Variants in CRLF2 observed in about 807,000 individuals in gnomAD.
The protein encoded by CRLF2 is cytokine receptor-like factor 2.
In CRLF2, 41 loss-of-function variants were observed where a neutral mutation model predicts 38.7. The observed-to-expected ratio is 1.06, with a 90% CI of 0.83 to 1.37. The LOEUF is 1.37. Ranked by LOEUF, CRLF2 falls within the 40% of genes most tolerant of loss-of-function variation. CRLF2 has a pLI of 0.00. For missense variants in CRLF2, 377 were observed against 322.2 expected (o/e 1.17, Z -1.30); for synonymous variants, 140 against 128.8 (o/e 1.09, Z -0.59).
chrX:1,203,599 C>T (rs371698457), intron 3 of CRLF2, among the ~76,000 whole-genome samples: 12 of 151,066 alleles, frequency 7.9e-5, no homozygotes, highest in Non-Finnish European at 1.5e-4. Flanking sequence ...GAGGAGAAGG[C>T]CACATGGAGA....
At position 1,198,736 on chromosome X, in the gene CRLF2, TACACACACACACACAC is replaced by T. The variant is rs371174830; in HGVS notation, c.484-28_484-13del. 163 of 828,422 alleles carry T rather than the reference TACACACACACACACAC, an allele frequency of 2.0e-4. 7 individuals are homozygous for T. The highest frequency in any genetic ancestry group is 2.7e-4 in the Middle Eastern group (1 of 3,650). 51.3% of individuals were successfully genotyped at this position (828,422 alleles called of 1,614,324 possible). A position where few individuals can be genotyped will look rare whatever the true frequency, so the allele number is the denominator to read the frequency against. ...TTTTCCTGTTTGGACTGGAGAAACA[TACACACACACACACAC>T]ACACACACACACACACACACACACA... On this transcript the variant is annotated splice_polypyrimidine_tract_variant and intron_variant, in intron 4 of 7. Coordinates refer to ENST00000400841, the MANE Select transcript of CRLF2 (RefSeq NM_022148.4).
Position 1,206,502 on chromosome X carries a change from T to C in CRLF2, c.280A>G (p.Ile94Val). The change falls in exon 3 of 8, where the codon ATT (isoleucine) becomes GTT (valine). Residue 94 changes from isoleucine to valine, a missense_variant. By Grantham distance (29) the Ile-to-Val change is conservative. Coordinates refer to ENST00000400841, the MANE Select transcript of CRLF2 (RefSeq NM_022148.4). ...CCATTCCTGATGGAGAAATAGAGAA[T>C]GTCGTCTCGCTGCTCTGCGTCTAGG... is the stretch of plus-strand genomic sequence containing the variant. ...CLLDAEQRDD[I>V]LYFSIRNGTH... 6.2e-7 allele frequency: 1 copy of C among 1,613,632 alleles called. No homozygotes were observed. Among genetic ancestry groups the C allele is most frequent in the Admixed American group, 1.7e-5 (1 of 59,978 alleles).
At chrX:1,198,935 G>C (rs745384844) in intron 4 of CRLF2, 21 of 597,254 alleles carry the variant, frequency 3.5e-5, no homozygotes, top group Non-Finnish European at 5.1e-5. Flanking sequence ...GATCACCTGA[G>C]GTCGCAAGTT....
intron 7 of CRLF2, among the ~76,000 whole-genome samples, chrX:1,191,600 C>T (rs1235504608): frequency 9.2e-5 from 14 of 151,404 alleles, no homozygotes; most frequent in Admixed American, 1.3e-4. Context: ...GGCGTGATCT[C>T]GGCTGACTGC....
rs2086485150 is a variant in CRLF2 at position 1,196,809 on chromosome X, G to A, written c.738C>T (p.Leu246=). ...SSLAILLMVS[L]LLLSLWKLWR... ...ATAATTTCCATAAAGACAGAAGGAG[G>A]AGAGACACCATCAGAAGGATGGCCA... The change falls in exon 6 of 8, where the codon CTC becomes CTT. Residue 246 remains leucine, a synonymous_variant. Coordinates refer to ENST00000400841, the MANE Select transcript of CRLF2 (RefSeq NM_022148.4). 1.9e-6 allele frequency: 3 copies of A among 1,613,460 alleles called. No homozygotes were observed. The highest frequency in any genetic ancestry group is 1.1e-5 in the South Asian group (1 of 91,068).
chrX:1,206,456 GC>G lies in CRLF2; in HGVS notation c.325del (p.Ala109GlnfsTer9). On this transcript the variant is annotated frameshift_variant, in exon 3 of 8. Coordinates refer to ENST00000400841, the MANE Select transcript of CRLF2 (RefSeq NM_022148.4). LOFTEE classifies it high-confidence loss of function. ...ACGGTAATAAACCATCCAGCGACTTGCGGTGAAAACGGGGTGCGTCCCATTC... is the reference window on the plus strand; with the variant it reads ...ACGGTAATAAACCATCCAGCGACTTGGGTGAAAACGGGGTGCGTCCCATTC... ...IRNGTHPVFT[A>X]SRWMVYYLKP... 1 of 1,613,492 alleles carries G rather than the reference GC, an allele frequency of 6.2e-7. No homozygotes were observed. Among genetic ancestry groups the G allele is most frequent in the East Asian group, 2.2e-5 (1 of 44,868 alleles).
chrX:1,197,207 C>G (rs2086497506), intron 5 of CRLF2, among the ~76,000 whole-genome samples: 1 of 150,476 alleles, frequency 6.6e-6, no homozygotes, highest in Non-Finnish European at 1.5e-5. Context: ...ATTCTCCTGT[C>G]TCAGCCTCCC....
intron 5 of CRLF2, 97 bp downstream of exon 5, chrX:1,198,447 TCCCTCCCACCTCGAAGGC>T (rs2086537555): frequency 9.4e-6 from 5 of 531,884 alleles, no homozygotes; most frequent in South Asian, 5.2e-5. Context: ...CAGGACACCC[TCCCTCCCACCTCGAAGGC>T]AGGACACCCT....
chrX:1,202,813 A>T (rs2086631549), intron 3 of CRLF2, among the ~76,000 whole-genome samples: 1 of 152,090 alleles, frequency 6.6e-6, no homozygotes, highest in Non-Finnish European at 1.5e-5. Context: ...ATATGTTAAA[A>T]TCCCAACTCC....
chrX:1,201,470 TAGAC>T (rs1218361931), intron 4 of CRLF2, among the ~76,000 whole-genome samples: 6 of 134,802 alleles, frequency 4.5e-5, no homozygotes, highest in South Asian at 5.2e-4. Flanking sequence ...AGATGATACA[TAGAC>T]AGATGATAGA....
At chrX:1,192,262 G>A (rs1185738713) in intron 7 of CRLF2, among the ~76,000 whole-genome samples, 1 of 150,690 alleles carries the variant, frequency 6.6e-6, no homozygotes, top group Admixed American at 6.6e-5. Flanking sequence ...AGTCAGAGTT[G>A]GACATGCTTC....
At chrX:1,194,358 A>G in intron 6 of CRLF2, among the ~76,000 whole-genome samples, 1 of 152,156 alleles carries the variant, frequency 6.6e-6, no homozygotes. Flanking sequence ...GCTGCTTGGG[A>G]GGCTAAGGCA....
intron 6 of CRLF2, among the ~76,000 whole-genome samples, chrX:1,196,554 C>G (rs2086479015): frequency 1.3e-5 from 2 of 151,628 alleles, no homozygotes; most frequent in Non-Finnish European, 2.9e-5. Context: ...AACTCGTGAC[C>G]TCGTGATCTG....
intron 7 of CRLF2, among the ~76,000 whole-genome samples, chrX:1,192,765 TTTCC>T (rs1156877362): frequency 7.8e-5 from 9 of 116,014 alleles, no homozygotes; most frequent in South Asian, 3.0e-4. Flanking sequence ...TCTTTCTTTC[TTTCC>T]TTCCTTCCTC....
intron 4 of CRLF2, among the ~76,000 whole-genome samples, chrX:1,200,350 A>G: frequency 6.7e-6 from 1 of 149,906 alleles, no homozygotes; most frequent in African/African-American, 2.5e-5. Context: ...TAAGATGTGT[A>G]TGTACATGTG....
intron 5 of CRLF2, among the ~76,000 whole-genome samples, chrX:1,197,385 C>G (rs139189770): frequency 1.3e-5 from 2 of 151,766 alleles, no homozygotes; most frequent in Admixed American, 6.6e-5. Flanking sequence ...CAACACATCC[C>G]ACAGCCACCC....
chrX:1,211,377 A>G (rs2086797479), intron 1 of CRLF2, among the ~76,000 whole-genome samples: 1 of 148,646 alleles, frequency 6.7e-6, no homozygotes. Flanking sequence ...GGATGGATGG[A>G]TGGATGGATG....
intron 4 of CRLF2, among the ~76,000 whole-genome samples, chrX:1,199,942 T>A (rs2086570028): frequency 6.6e-6 from 1 of 151,722 alleles, no homozygotes; most frequent in African/African-American, 2.4e-5. Flanking sequence ...AAGGTGTGTA[T>A]ATATGTGTAT....
chrX:1,204,713 G>A (rs1253264523), intron 3 of CRLF2, among the ~76,000 whole-genome samples: 4 of 150,350 alleles, frequency 2.7e-5, no homozygotes, highest in African/African-American at 9.8e-5. Flanking sequence ...TTTTAATAGA[G>A]ACGGGGTTTC....
Sources: gnomAD v4.1 joint callset for allele counts (sites outside exome capture counted in the v4.1 genomes callset) on GRCh38, gnomAD v4.1.1 for gene constraint, MANE v1.5 for transcripts, NCBI Gene and HGNC (gene_info 2026-07-23, HGNC 2026-07-21) for gene names.